Variants in SND1 observed in about 807,000 individuals in gnomAD.
SND1 encodes staphylococcal nuclease and tudor domain containing 1.
SND1 carries 38 observed loss-of-function variants against 121.7 expected under a neutral mutation model. That is an observed-to-expected ratio of 0.31 (90% CI 0.24 to 0.41). The LOEUF is 0.41. SND1 is among the 10% of genes least tolerant of loss of function. The pLI is 1.00. For synonymous variants in SND1, 401 were observed against 447.4 expected (o/e 0.90, Z 1.31); for missense variants, 868 against 1,184.6 (o/e 0.73, Z 3.92).
intron 1 of SND1, among the ~76,000 whole-genome samples, chr7:127,666,593 CAA>C (rs575742483): frequency 7.1e-6 from 1 of 140,710 alleles, no homozygotes. Flanking sequence ...GTGCCCCCCT[CAA>C]AAAAAAAAAG....
intron 11 of SND1, among the ~76,000 whole-genome samples, chr7:127,815,254 A>C (rs529860986): frequency 6.6e-6 from 1 of 152,266 alleles, no homozygotes; most frequent in African/African-American, 2.4e-5. Flanking sequence ...GTCTTTGCAG[A>C]TGTAATTAGT....
At chr7:128,028,545 A>T in intron 16 of SND1, 1 of 814,346 alleles carries the variant, frequency 1.2e-6, no homozygotes. Context: ...TTTTAATATA[A>T]TCTGTTTTTT....
chr7:127,743,294 G>A (rs534656770), intron 10 of SND1, among the ~76,000 whole-genome samples: 7 of 152,350 alleles, frequency 4.6e-5, no homozygotes, highest in African/African-American at 1.4e-4. Flanking sequence ...TCTACAGTCT[G>A]TGGGAACCTC....
intron 15 of SND1, among the ~76,000 whole-genome samples, chr7:127,959,218 G>A (rs1259004333): frequency 6.6e-6 from 1 of 152,172 alleles, no homozygotes; most frequent in Non-Finnish European, 1.5e-5. Context: ...ACAATAGCTA[G>A]ACGTCCGCTG....
intron 10 of SND1, among the ~76,000 whole-genome samples, chr7:127,728,553 A>G (rs1275577310): frequency 1.3e-5 from 2 of 151,968 alleles, no homozygotes; most frequent in African/African-American, 4.8e-5. Context: ...TAGGCCAGAG[A>G]CTTCCATACA....
intron 11 of SND1, among the ~76,000 whole-genome samples, chr7:127,841,659 T>C (rs912841712): frequency 6.6e-6 from 1 of 152,124 alleles, no homozygotes; most frequent in Non-Finnish European, 1.5e-5. Flanking sequence ...TACTCAGGCC[T>C]GTCTGTGTGC....
intron 16 of SND1, among the ~76,000 whole-genome samples, chr7:128,017,036 CT>C (rs566584010): frequency 8.0e-4 from 122 of 152,340 alleles, no homozygotes; most frequent in Middle Eastern, 3.4e-3. Flanking sequence ...CTGCCAGAAA[CT>C]TTAGCCAGCA....
At chr7:127,955,811 C>T (rs1415456996) in intron 15 of SND1, among the ~76,000 whole-genome samples, 1 of 152,220 alleles carries the variant, frequency 6.6e-6, no homozygotes. Context: ...CATATCTGCT[C>T]ACATCATGCC....
intron 14 of SND1, among the ~76,000 whole-genome samples, chr7:127,926,720 T>TTG (rs1554443863): frequency 0.15 from 22,109 of 142,712 alleles, 2,006 homozygotes; most frequent in Non-Finnish European, 0.19. Flanking sequence ...ACCCGGCTAT[T>TTG]TTGTTGTTGT....
intron 10 of SND1, among the ~76,000 whole-genome samples, chr7:127,743,379 A>G (rs1475841822): frequency 6.6e-6 from 1 of 152,198 alleles, no homozygotes; most frequent in Non-Finnish European, 1.5e-5. Flanking sequence ...CTCCTCAGGC[A>G]GCCCTTGTCA....
chr7:127,897,537 G>A (rs1204200407), intron 13 of SND1, among the ~76,000 whole-genome samples: 1 of 152,098 alleles, frequency 6.6e-6, no homozygotes, highest in East Asian at 1.9e-4. Flanking sequence ...AGGGAAAGGA[G>A]CACCCAGATT....
At chr7:127,818,852 G>A (rs1798495636) in intron 11 of SND1, among the ~76,000 whole-genome samples, 1 of 152,188 alleles carries the variant, frequency 6.6e-6, no homozygotes, top group Non-Finnish European at 1.5e-5. Flanking sequence ...AGAAAGGAAG[G>A]GAGAAAGTCA....
Position 128,029,508 on chromosome 7 carries a change from G to T in SND1, c.1779+38452G>T. 1 of 1,614,112 alleles carries T rather than the reference G, an allele frequency of 6.2e-7. No homozygotes were observed. On this transcript the variant is annotated intron_variant, in intron 16 of 23. Transcript: ENST00000354725. This position sits in a 1 kb window ranked among gnomAD's most constrained non-coding sequence, Gnocchi z 4.2. ...CAGCAACCACTTCACGGAGGACATA[G>T]GGGGAGTCCGACACTTAAGTTCTGC...
intron 10 of SND1, among the ~76,000 whole-genome samples, chr7:127,782,520 G>A (rs1241482162): frequency 1.3e-5 from 2 of 152,154 alleles, no homozygotes. Context: ...CAATCCTTTG[G>A]GGGGCAGAGA....
intron 1 of SND1, among the ~76,000 whole-genome samples, chr7:127,673,343 G>A (rs906353776): frequency 4.0e-5 from 6 of 151,778 alleles, no homozygotes; most frequent in African/African-American, 7.3e-5. Flanking sequence ...ATGGAGTCTC[G>A]CTCTGTCGCC....
At chr7:127,888,945 T>G (rs1201178599) in intron 13 of SND1, among the ~76,000 whole-genome samples, 5 of 152,110 alleles carry the variant, frequency 3.3e-5, no homozygotes, top group Non-Finnish European at 2.9e-5. Flanking sequence ...TGAGATCACT[T>G]CTCTTGCTCT....
intron 10 of SND1, among the ~76,000 whole-genome samples, chr7:127,788,783 C>G (rs1797859066): frequency 6.6e-6 from 1 of 152,068 alleles, no homozygotes; most frequent in South Asian, 2.1e-4. Flanking sequence ...TTTCATTTTC[C>G]TTAGAGTTTC....
At chr7:128,016,985 G>T (rs758282151) in intron 16 of SND1, among the ~76,000 whole-genome samples, 120 of 152,214 alleles carry the variant, frequency 7.9e-4, no homozygotes, top group Admixed American at 2.4e-3. Context: ...GACCTGAACT[G>T]ACAATATTTG....
At chr7:127,870,295 C>T (rs1799559136) in intron 12 of SND1, among the ~76,000 whole-genome samples, 1 of 152,140 alleles carries the variant, frequency 6.6e-6, no homozygotes, top group African/African-American at 2.4e-5. Flanking sequence ...AGAAACAGCT[C>T]ATAGTGGTTT....
Sources: gnomAD v4.1 joint callset for allele counts (sites outside exome capture counted in the v4.1 genomes callset) on GRCh38, gnomAD v4.1.1 for gene constraint, Gnocchi (gnomAD v3.1) non-coding constraint, MANE v1.5 for transcripts, NCBI Gene and HGNC (gene_info 2026-07-23, HGNC 2026-07-21) for gene names.